The following GRM3 variants were observed in gnomAD, a reference collection of about 807,000 sequenced individuals.
GRM3 encodes glutamate metabotropic receptor 3.
GRM3 carries 26 observed loss-of-function variants against 70.5 expected under a neutral mutation model. That is an observed-to-expected ratio of 0.37 (90% CI 0.27 to 0.51). GRM3 has a LOEUF of 0.51. Among genes scored for constraint, GRM3 ranks in the 20% least tolerant of loss-of-function variants. The probability of loss-of-function intolerance (pLI) is 0.93; values close to 1 mark genes in which losing one functional copy is unlikely to be tolerated. For missense variants in GRM3, 859 were observed against 1,123.8 expected (o/e 0.76, Z 3.37); for synonymous variants, 443 against 434.9 (o/e 1.02, Z -0.23).
intron 1 of GRM3, among the ~76,000 whole-genome samples, chr7:86,752,327 A>C (rs1244649200): frequency 6.6e-6 from 1 of 152,142 alleles, no homozygotes; most frequent in South Asian, 2.1e-4. Context: ...CCCTTGTGTA[A>C]CATACACATG....
intron 1 of GRM3, among the ~76,000 whole-genome samples, chr7:86,665,188 A>C (rs1793995183): frequency 6.6e-6 from 1 of 152,028 alleles, no homozygotes; most frequent in African/African-American, 2.4e-5. Flanking sequence ...TGAGAAAGAA[A>C]ATGAGGTAAA....
intron 3 of GRM3, among the ~76,000 whole-genome samples, chr7:86,833,590 A>C (rs957978415): frequency 6.6e-6 from 1 of 152,122 alleles, no homozygotes; most frequent in African/African-American, 2.4e-5. Flanking sequence ...CTCCAGCAGC[A>C]CCTAAGAGCT....
At chr7:86,863,080 G>T (rs1324669431) in intron 5 of GRM3, among the ~76,000 whole-genome samples, 2 of 152,110 alleles carry the variant, frequency 1.3e-5, no homozygotes, top group Non-Finnish European at 2.9e-5. Context: ...GTATGAGAGA[G>T]ATCTTAAATG....
chr7:86,709,136 T>C lies in GRM3; in HGVS notation c.-140-55870T>C, dbSNP rs542206125. On this transcript the variant is annotated intron_variant, in intron 1 of 5. Transcript: ENST00000361669. ...TTGTTTGAGTGCATTTAAGTAGCAA[T>C]GAAGGCTGGGTTTGGCCCTGAACTC... Among the ~76,000 whole-genome samples, 206 of 152,262 alleles carry C rather than the reference T, an allele frequency of 1.4e-3. 1 individual carries two copies. Among genetic ancestry groups the C allele is most frequent in the African/African-American group, 4.7e-3 (194 of 41,578 alleles).
intron 1 of GRM3, among the ~76,000 whole-genome samples, chr7:86,712,917 T>A (rs911107981): frequency 1.3e-5 from 2 of 152,128 alleles, no homozygotes; most frequent in African/African-American, 2.4e-5. Flanking sequence ...TTGGCTATTG[T>A]GAATAGTGCT....
At chr7:86,727,474 A>C (rs1467441831) in intron 1 of GRM3, among the ~76,000 whole-genome samples, 2 of 152,232 alleles carry the variant, frequency 1.3e-5, no homozygotes, top group African/African-American at 4.8e-5. Context: ...ATAGCTGAGC[A>C]TAAAGCTCTT....
chr7:86,847,259 G>A (rs1798672098), intron 4 of GRM3, among the ~76,000 whole-genome samples: 1 of 152,148 alleles, frequency 6.6e-6, no homozygotes, highest in African/African-American at 2.4e-5. Context: ...AACATGAGAG[G>A]CTCATGTAGA....
At chr7:86,833,456 T>C (rs1405131959) in intron 3 of GRM3, among the ~76,000 whole-genome samples, 1 of 152,134 alleles carries the variant, frequency 6.6e-6, no homozygotes, top group Non-Finnish European at 1.5e-5. Context: ...TGGAGAATCA[T>C]GGTTTCAGTT....
At chr7:86,842,911 C>T (rs185175863) in intron 4 of GRM3, among the ~76,000 whole-genome samples, 80 of 152,126 alleles carry the variant, frequency 5.3e-4, no homozygotes, top group Non-Finnish European at 7.8e-4. Context: ...ATTTTTACCC[C>T]GTAACCTTGG....
intron 3 of GRM3, among the ~76,000 whole-genome samples, chr7:86,798,874 T>A (rs1562868048): frequency 2.4e-5 from 2 of 82,722 alleles, no homozygotes; most frequent in African/African-American, 5.3e-5. Flanking sequence ...AGAGTTCCCC[T>A]CTTCTTGCCT....
chr7:86,721,523 T>C (rs1795462009), intron 1 of GRM3, among the ~76,000 whole-genome samples: 1 of 152,070 alleles, frequency 6.6e-6, no homozygotes, highest in African/African-American at 2.4e-5. Flanking sequence ...GAATTCCAAT[T>C]TGGAAATTCA....
At chr7:86,708,964 CAG>C (rs1353497172) in intron 1 of GRM3, among the ~76,000 whole-genome samples, 3 of 149,232 alleles carry the variant, frequency 2.0e-5, no homozygotes, top group African/African-American at 7.4e-5. Flanking sequence ...CACACACAAA[CAG>C]AGTTAAAAAA....
In GRM3 at chr7:86,808,052, G is replaced by A. The variant is rs186118975; in HGVS notation, c.1324+20936G>A. ...GTTTATATGATGGATTACATTTATT[G>A]ATTTGTGTATGTTGAACCAGCCTTG... On this transcript the variant is annotated intron_variant, in intron 3 of 5. Transcript: ENST00000361669. Among the ~76,000 whole-genome samples the A allele has an allele frequency of 3.9e-5, 6 of 152,202 alleles. No homozygotes were observed. In the East Asian group the frequency reaches 9.7e-4, roughly 25 times the overall value.
At chr7:86,651,322 T>C (rs1584138731) in intron 1 of GRM3, among the ~76,000 whole-genome samples, 2 of 152,318 alleles carry the variant, frequency 1.3e-5, no homozygotes, top group Admixed American at 6.5e-5. Context: ...AGATCGCCCC[T>C]CCATCTGGTG....
At chr7:86,746,341 T>TTATATATATATA (rs59930404) in intron 1 of GRM3, among the ~76,000 whole-genome samples, 120 of 87,382 alleles carry the variant, frequency 1.4e-3, no homozygotes, top group East Asian at 5.5e-3. Context: ...CAGTCATGTA[T>TTATATATATATA]TATATATATA....
At chr7:86,732,205 G>A (rs1470889289) in intron 1 of GRM3, among the ~76,000 whole-genome samples, 2 of 152,020 alleles carry the variant, frequency 1.3e-5, no homozygotes, top group Non-Finnish European at 2.9e-5. Flanking sequence ...GAGTATAAAT[G>A]AAAAAGTTTC....
intron 1 of GRM3, among the ~76,000 whole-genome samples, chr7:86,709,586 T>C (rs1426835631): frequency 2.0e-5 from 3 of 151,878 alleles, no homozygotes; most frequent in Non-Finnish European, 4.4e-5. Flanking sequence ...GGGTAGCAAA[T>C]GGAACCACTC....
intron 3 of GRM3, among the ~76,000 whole-genome samples, chr7:86,828,349 C>A (rs902672690): frequency 6.6e-6 from 1 of 152,046 alleles, no homozygotes; most frequent in Non-Finnish European, 1.5e-5. Flanking sequence ...AACTCACATA[C>A]AATTTACTAT....
At chr7:86,707,017 A>T (rs1323484573) in intron 1 of GRM3, among the ~76,000 whole-genome samples, 1 of 152,054 alleles carries the variant, frequency 6.6e-6, no homozygotes, top group African/African-American at 2.4e-5. Context: ...TTGAGGAAAT[A>T]TACTTCCCTA....
Sources: gnomAD v4.1 joint callset for allele counts (sites outside exome capture counted in the v4.1 genomes callset) on GRCh38, gnomAD v4.1.1 for gene constraint, MANE v1.5 for transcripts, NCBI Gene and HGNC (gene_info 2026-07-23, HGNC 2026-07-21) for gene names.